The following PLEKHA5 variants were observed in gnomAD, a reference collection of about 807,000 sequenced individuals.
PLEKHA5 encodes the protein pleckstrin homology domain containing A5, also known as pleckstrin homology domain-containing family A member 5.
Under a neutral mutation model 181.9 loss-of-function variants are expected in PLEKHA5, and 55 were observed. That is an observed-to-expected ratio of 0.30 (90% CI 0.24 to 0.38). PLEKHA5 has a LOEUF of 0.38. Ranked by LOEUF, PLEKHA5 falls within the 10% of genes least tolerant of loss-of-function variation. The pLI is 1.00. For synonymous variants in PLEKHA5, 535 were observed against 529.4 expected (o/e 1.01, Z -0.15); for missense variants, 1,432 against 1,549.5 (o/e 0.92, Z 1.27).
At chr12:19,284,663 G>A (rs1405217504) in intron 12 of PLEKHA5, among the ~76,000 whole-genome samples, 1 of 152,210 alleles carries the variant, frequency 6.6e-6, no homozygotes, top group Non-Finnish European at 1.5e-5. Context: ...TGAATTCAAA[G>A]TGCTTTGTAT....
intron 3 of PLEKHA5, among the ~76,000 whole-genome samples, chr12:19,147,640 G>A (rs987252472): frequency 4.1e-5 from 6 of 147,732 alleles, no homozygotes; most frequent in African/African-American, 1.3e-4. Flanking sequence ...ACTGCAGAAT[G>A]AATTATTACC....
intron 3 of PLEKHA5, among the ~76,000 whole-genome samples, chr12:19,241,611 G>T (rs917181469): frequency 1.3e-5 from 2 of 151,952 alleles, no homozygotes; most frequent in Non-Finnish European, 2.9e-5. Context: ...ACACAGATTA[G>T]CTGGGCATGG....
At chr12:19,295,682 G>T (rs2079576207) in intron 15 of PLEKHA5, among the ~76,000 whole-genome samples, 1 of 152,148 alleles carries the variant, frequency 6.6e-6, no homozygotes, top group Non-Finnish European at 1.5e-5. Context: ...TTTGAAACTG[G>T]AGTAACAGGT....
At chr12:19,260,886 T>C in intron 6 of PLEKHA5, 63 bp from the exon 7 acceptor site, 4 of 944,286 alleles carry the variant, frequency 4.2e-6, no homozygotes, top group Non-Finnish European at 6.4e-6. Flanking sequence ...AATAAATAAA[T>C]AAATGCACAT....
intron 3 of PLEKHA5, chr12:19,201,475 T>C (rs1304883167): frequency 6.6e-6 from 1 of 152,088 alleles, no homozygotes; most frequent in Non-Finnish European, 1.5e-5. Flanking sequence ...GCAATTTTAC[T>C]ACGTAAGTAT....
At chr12:19,316,068 C>A (rs1327007132) in intron 16 of PLEKHA5, among the ~76,000 whole-genome samples, 1 of 151,770 alleles carries the variant, frequency 6.6e-6, no homozygotes, top group Non-Finnish European at 1.5e-5. Context: ...GTACTCTATT[C>A]CAAAGTACCA....
At chr12:19,344,848 C>A (rs2094199397) in intron 22 of PLEKHA5, among the ~76,000 whole-genome samples, 1 of 151,998 alleles carries the variant, frequency 6.6e-6, no homozygotes, top group Non-Finnish European at 1.5e-5. Flanking sequence ...GTTGCTCACG[C>A]CTGTAATCCC....
At chr12:19,208,875 A>T (rs914391647) in intron 3 of PLEKHA5, among the ~76,000 whole-genome samples, 28 of 152,126 alleles carry the variant, frequency 1.8e-4, no homozygotes, top group African/African-American at 6.3e-4. Context: ...TTGAGTTTCC[A>T]TTAAGATTAG....
At chr12:19,258,153 A>G (rs1335929155) in intron 6 of PLEKHA5, among the ~76,000 whole-genome samples, 1 of 152,016 alleles carries the variant, frequency 6.6e-6, no homozygotes, top group Non-Finnish European at 1.5e-5. Context: ...CTTGCTATCT[A>G]AGCTCTTTTG....
At chr12:19,307,813 T>C (rs1029972944) in intron 15 of PLEKHA5, among the ~76,000 whole-genome samples, 1 of 150,708 alleles carries the variant, frequency 6.6e-6, no homozygotes, top group African/African-American at 2.4e-5. Context: ...CTAGACATTA[T>C]AGAAGTACAA....
In PLEKHA5 at chr12:19,308,261, T is replaced by C. The variant is rs537433017; in HGVS notation, c.2038-6553T>C. ...TGACTGAATATTGCCTCTATGGGAA[T>C]CCAGCTGTATACATGCATCAGTGTC... On this transcript the variant is annotated intron_variant, in intron 15 of 31. Transcript: ENST00000429027. Among the ~76,000 whole-genome samples the C allele has an allele frequency of 5.9e-5, 9 of 152,276 alleles. No homozygotes were observed. The South Asian group carries it at 1.9e-3, about 32-fold the overall frequency.
chr12:19,356,851 G>A (rs1592618723), intron 26 of PLEKHA5, among the ~76,000 whole-genome samples: 1 of 151,712 alleles, frequency 6.6e-6, no homozygotes, highest in Non-Finnish European at 1.5e-5. Flanking sequence ...AGTAGACACA[G>A]GGTTTCACCA....
intron 15 of PLEKHA5, among the ~76,000 whole-genome samples, chr12:19,310,332 T>G (rs2085997741): frequency 6.6e-6 from 1 of 152,016 alleles, no homozygotes; most frequent in South Asian, 2.1e-4. Flanking sequence ...TTTAAGAACT[T>G]GAAGGCCAGG....
chr12:19,368,597 A>G (rs1228552676), intron 30 of PLEKHA5, among the ~76,000 whole-genome samples: 1 of 152,170 alleles, frequency 6.6e-6, no homozygotes, highest in Admixed American at 6.5e-5. Context: ...GTTCGAGACC[A>G]GCCTGACCAA....
chr12:19,268,728 G>A (rs1458248954), intron 8 of PLEKHA5, among the ~76,000 whole-genome samples: 2 of 152,126 alleles, frequency 1.3e-5, no homozygotes, highest in Non-Finnish European at 2.9e-5. Flanking sequence ...GCTAGAACTG[G>A]ATCGTCTTGA....
intron 5 of PLEKHA5, among the ~76,000 whole-genome samples, chr12:19,256,481 G>A (rs2066903229): frequency 2.6e-5 from 4 of 152,196 alleles, no homozygotes; most frequent in Admixed American, 1.3e-4. Flanking sequence ...GGGTGCTGGA[G>A]CCCAAGAGTG....
At chr12:19,309,515 G>T (rs1460204566) in intron 15 of PLEKHA5, among the ~76,000 whole-genome samples, 1 of 152,030 alleles carries the variant, frequency 6.6e-6, no homozygotes, top group Non-Finnish European at 1.5e-5. Context: ...CAACACTTTG[G>T]GAGGCCGAGG....
At chr12:19,218,626 A>G (rs1373421247) in intron 3 of PLEKHA5, among the ~76,000 whole-genome samples, 1 of 152,110 alleles carries the variant, frequency 6.6e-6, no homozygotes, top group African/African-American at 2.4e-5. Flanking sequence ...TCTCCATAAA[A>G]TATTTTCTCT....
At chr12:19,330,775 C>A (rs906276449) in intron 20 of PLEKHA5, among the ~76,000 whole-genome samples, 2 of 152,044 alleles carry the variant, frequency 1.3e-5, no homozygotes, top group African/African-American at 2.4e-5. Flanking sequence ...CAAAAATTAA[C>A]ATTTTAATTT....
Sources: allele counts gnomAD v4.1 joint callset (sites outside exome capture counted in the v4.1 genomes callset), GRCh38; gene constraint gnomAD v4.1.1; transcripts MANE v1.5; gene names NCBI Gene and HGNC (gene_info 2026-07-23, HGNC 2026-07-21).